Variants in ROBO2 observed in about 807,000 individuals in gnomAD.
ROBO2 encodes roundabout homolog 2.
ROBO2 carries 53 observed loss-of-function variants against 160.8 expected under a neutral mutation model. The observed-to-expected ratio is 0.33, with a 90% confidence interval of 0.26 to 0.41. The LOEUF is 0.41. ROBO2 is among the 10% of genes least tolerant of loss of function. The pLI is 1.00. For missense variants in ROBO2, 1,577 were observed against 1,722.4 expected, an observed-to-expected ratio of 0.92 and a Z score of 1.49; for synonymous variants, 664 against 611.7, an observed-to-expected ratio of 1.09 and a Z score of -1.26.
chr3:76,987,858 C>G (rs558955968), intron 2 of ROBO2, among the ~76,000 whole-genome samples: 66 of 151,936 alleles, frequency 4.3e-4, no homozygotes, highest in African/African-American at 1.6e-3. Context: ...ATGGCAAACA[C>G]CTAAAAATGA....
rs188541552 is a variant in ROBO2, at chr3:77,366,828, G to A, written c.389-110586G>A. Among the ~76,000 whole-genome samples the A allele has an allele frequency of 4.8e-4, 73 of 151,314 alleles. 1 individual carries two copies. Among genetic ancestry groups the A allele is most frequent in the Non-Finnish European group, 7.4e-5 (5 of 67,622 alleles). On this transcript the variant is annotated intron_variant, in intron 2 of 25. Transcript: ENST00000461745. ...GAGATACAGAGAGAGAAAGAGAGGA[G>A]GGAGGTGCCAGGCTCTTTTTAACTA... is the stretch of plus-strand genomic sequence containing the variant.
At chr3:77,535,301 G>A (rs1336098493) in intron 6 of ROBO2, among the ~76,000 whole-genome samples, 1 of 151,606 alleles carries the variant, frequency 6.6e-6, no homozygotes, top group Non-Finnish European at 1.5e-5. Flanking sequence ...TTTAGCTGGA[G>A]TGCTGACATG....
At chr3:76,734,545 CA>C (rs1211117318) in intron 2 of ROBO2, among the ~76,000 whole-genome samples, 6 of 152,124 alleles carry the variant, frequency 3.9e-5, no homozygotes, top group East Asian at 1.9e-4. Context: ...CGACTTTCAG[CA>C]AATTGATTTT....
intron 2 of ROBO2, among the ~76,000 whole-genome samples, chr3:76,948,874 T>A (rs1465255408): frequency 2.1e-5 from 1 of 48,616 alleles, no homozygotes; most frequent in South Asian, 8.1e-4. Context: ...CCGGCTAATT[T>A]TATATATATA....
intron 2 of ROBO2, among the ~76,000 whole-genome samples, chr3:76,165,560 A>C (rs2072804962): frequency 6.6e-6 from 1 of 152,174 alleles, no homozygotes; most frequent in Non-Finnish European, 1.5e-5. Context: ...TTTCTTCAAG[A>C]ACTTTTCCTT....
chr3:76,139,073 T>G (rs1471485655), intron 2 of ROBO2, among the ~76,000 whole-genome samples: 1 of 152,172 alleles, frequency 6.6e-6, no homozygotes, highest in Non-Finnish European at 1.5e-5. Flanking sequence ...TCTTGTTAAA[T>G]GTAGCACAAA....
At chr3:77,475,501 G>A (rs1381796201) in intron 2 of ROBO2, among the ~76,000 whole-genome samples, 1 of 152,112 alleles carries the variant, frequency 6.6e-6, no homozygotes, top group Non-Finnish European at 1.5e-5. Flanking sequence ...GGTACTACTT[G>A]TGCTTAGGCT....
chr3:76,159,191 A>G (rs1428473394), intron 2 of ROBO2, among the ~76,000 whole-genome samples: 1 of 152,150 alleles, frequency 6.6e-6, no homozygotes, highest in Non-Finnish European at 1.5e-5. Flanking sequence ...TGTGAAAGAG[A>G]CAGTCATAAT....
At chr3:77,374,221 A>C (rs926646326) in intron 2 of ROBO2, among the ~76,000 whole-genome samples, 1 of 150,968 alleles carries the variant, frequency 6.6e-6, no homozygotes, top group African/African-American at 2.4e-5. Context: ...TAAAGAAAAA[A>C]ACAAACTACA....
intron 2 of ROBO2, among the ~76,000 whole-genome samples, chr3:76,131,939 G>A (rs566775612): frequency 4.6e-4 from 70 of 152,146 alleles, no homozygotes; most frequent in African/African-American, 1.4e-3. Flanking sequence ...ACGGTGACAC[G>A]TAACCAAATA....
intron 2 of ROBO2, among the ~76,000 whole-genome samples, chr3:76,469,642 C>G (rs2078547781): frequency 6.6e-6 from 1 of 151,886 alleles, no homozygotes. Context: ...TTGTATTTTT[C>G]TTTCTAGAAG....
intron 2 of ROBO2, among the ~76,000 whole-genome samples, chr3:76,960,814 C>T (rs1283028814): frequency 6.6e-6 from 1 of 152,010 alleles, no homozygotes; most frequent in Non-Finnish European, 1.5e-5. Context: ...GCACTATTTG[C>T]TCTGTAAAAA....
chr3:77,504,091 T>C (rs922886118), intron 5 of ROBO2, among the ~76,000 whole-genome samples: 1 of 152,170 alleles, frequency 6.6e-6, no homozygotes, highest in African/African-American at 2.4e-5. Context: ...AGGTTAGCCC[T>C]AGGGCTCAGT....
At chr3:77,319,599 C>T (rs1355413317) in intron 2 of ROBO2, among the ~76,000 whole-genome samples, 1 of 152,136 alleles carries the variant, frequency 6.6e-6, no homozygotes, top group Non-Finnish European at 1.5e-5. Flanking sequence ...TCAATTGAAG[C>T]CTCTGAAGAG....
chr3:77,392,588 G>A (rs1304844135), intron 2 of ROBO2, among the ~76,000 whole-genome samples: 1 of 152,066 alleles, frequency 6.6e-6, no homozygotes, highest in Non-Finnish European at 1.5e-5. Flanking sequence ...ATAAATATGT[G>A]TTCTACACTT....
chr3:76,539,261 G>A lies in ROBO2; in HGVS notation c.110-558753G>A, dbSNP rs148713527. On this transcript the variant is annotated intron_variant, in intron 2 of 26. Coordinates refer to the ROBO2 transcript ENST00000487694. ...GTAATGCATGTGGCTTTTAAAACCT[G>A]GAGGACAGCTTGATAGGTGCAGCAA... 2.8e-4 allele frequency among the ~76,000 whole-genome samples: 42 copies of A among 151,968 alleles called. 2 individuals carry two copies. The highest frequency in any genetic ancestry group is 2.7e-3 in the South Asian group (13 of 4,812).
intron 2 of ROBO2, among the ~76,000 whole-genome samples, chr3:76,591,490 T>G (rs1387228264): frequency 6.6e-6 from 1 of 152,098 alleles, no homozygotes; most frequent in Non-Finnish European, 1.5e-5. Flanking sequence ...TTCTCTATTT[T>G]TATAGAAGTT....
intron 2 of ROBO2, among the ~76,000 whole-genome samples, chr3:77,140,291 T>C (rs1579325488): frequency 6.6e-6 from 1 of 152,176 alleles, no homozygotes; most frequent in East Asian, 1.9e-4. Flanking sequence ...AATAATGATC[T>C]TTTAAAATAA....
At chr3:77,160,577 C>T (rs1184266548) in intron 2 of ROBO2, among the ~76,000 whole-genome samples, 1 of 152,088 alleles carries the variant, frequency 6.6e-6, no homozygotes, top group Non-Finnish European at 1.5e-5. Context: ...TATTTCTTTA[C>T]CTGAATTATT....
Sources: allele counts gnomAD v4.1 joint callset (sites outside exome capture counted in the v4.1 genomes callset), GRCh38; gene constraint gnomAD v4.1.1; transcripts MANE v1.5; gene names NCBI Gene and HGNC (gene_info 2026-07-23, HGNC 2026-07-21).